RYR3: variants seen among roughly 807,000 people sequenced by gnomAD.
The protein encoded by RYR3 is brain ryanodine receptor-calcium release channel.
Under a neutral mutation model 584.3 loss-of-function variants are expected in RYR3, and 207 were observed. The ratio of observed to expected loss-of-function variants is 0.35; its 90% CI spans 0.32 to 0.40. RYR3 has a LOEUF of 0.40. Among genes scored for constraint, RYR3 ranks in the 10% least tolerant of loss-of-function variants. RYR3 has a pLI of 1.00. For missense variants in RYR3, 5,616 were observed against 6,089.2 expected (o/e 0.92, Z 2.59); for synonymous variants, 2,416 against 2,248.5 (o/e 1.07, Z -2.11).
At chr15:33,708,614 A>C (rs549946873) in intron 43 of RYR3, among the ~76,000 whole-genome samples, 16 of 152,318 alleles carry the variant, frequency 1.1e-4, no homozygotes, top group South Asian at 2.1e-4. Context: ...CTGGCCCATC[A>C]ATAGAAATAT....
At chr15:33,604,903 A>G (rs2059835714) in intron 18 of RYR3, among the ~76,000 whole-genome samples, 1 of 152,202 alleles carries the variant, frequency 6.6e-6, no homozygotes, top group African/African-American at 2.4e-5. Flanking sequence ...GTGTGGTAGG[A>G]TTAAGTCTGT....
At chr15:33,490,875 G>A (rs1231966107) in intron 2 of RYR3, among the ~76,000 whole-genome samples, 4 of 151,972 alleles carry the variant, frequency 2.6e-5, no homozygotes, top group Admixed American at 2.0e-4. Flanking sequence ...AATTTCCTTG[G>A]CAAATTGTGT....
At chr15:33,572,522 G>A (rs575694134) in intron 12 of RYR3, among the ~76,000 whole-genome samples, 1 of 151,740 alleles carries the variant, frequency 6.6e-6, no homozygotes, top group South Asian at 2.1e-4. Context: ...CTTGCCCACT[G>A]CCTACTCTGC....
chr15:33,348,645 T>G (rs1972786681), intron 1 of RYR3, among the ~76,000 whole-genome samples: 1 of 152,112 alleles, frequency 6.6e-6, no homozygotes, highest in South Asian at 2.1e-4. Flanking sequence ...CCGGGCTAAT[T>G]TTGTATTTTT....
chr15:33,411,994 G>T (rs1567186253), intron 1 of RYR3, among the ~76,000 whole-genome samples: 1 of 152,146 alleles, frequency 6.6e-6, no homozygotes, highest in Non-Finnish European at 1.5e-5. Context: ...TGTCACAGTT[G>T]TCTGTCAAGA....
chr15:33,655,375 T>C (rs1392277543), intron 32 of RYR3, among the ~76,000 whole-genome samples: 1 of 152,218 alleles, frequency 6.6e-6, no homozygotes, highest in Non-Finnish European at 1.5e-5. Flanking sequence ...CAGAGGACGC[T>C]AAAGCATCTC....
At chr15:33,619,710 G>A (rs2060620472) in intron 19 of RYR3, among the ~76,000 whole-genome samples, 1 of 152,100 alleles carries the variant, frequency 6.6e-6, no homozygotes, top group South Asian at 2.1e-4. Context: ...CCCAGCTTGG[G>A]CCTGCAGTAT....
At chr15:33,315,494 A>C (rs1335648534) in intron 1 of RYR3, among the ~76,000 whole-genome samples, 1 of 152,156 alleles carries the variant, frequency 6.6e-6, no homozygotes, top group Non-Finnish European at 1.5e-5. Flanking sequence ...GCTGAACTGT[A>C]AGCTCTCCTG....
At chr15:33,614,718 T>G (rs1223409424) in intron 19 of RYR3, among the ~76,000 whole-genome samples, 1 of 152,088 alleles carries the variant, frequency 6.6e-6, no homozygotes, top group African/African-American at 2.4e-5. Context: ...AATTTTATAT[T>G]AAGGATGTTA....
intron 2 of RYR3, among the ~76,000 whole-genome samples, chr15:33,496,509 C>T (rs777491504): frequency 1.3e-5 from 2 of 152,042 alleles, no homozygotes; most frequent in Non-Finnish European, 2.9e-5. Flanking sequence ...CTCATATATG[C>T]GCTCTTTTTC....
At chr15:33,384,862 A>G (rs1480318863) in intron 1 of RYR3, among the ~76,000 whole-genome samples, 6 of 152,094 alleles carry the variant, frequency 3.9e-5, no homozygotes. Context: ...AATTGACTGC[A>G]TTTGTTTTGA....
intron 38 of RYR3, among the ~76,000 whole-genome samples, chr15:33,681,631 C>T (rs1386249086): frequency 1.3e-5 from 2 of 152,216 alleles, no homozygotes; most frequent in Non-Finnish European, 2.9e-5. Context: ...AGAGCATTTA[C>T]AGCATGCCAC....
intron 10 of RYR3, among the ~76,000 whole-genome samples, chr15:33,558,603 T>C (rs1435079260): frequency 6.6e-6 from 1 of 152,158 alleles, no homozygotes; most frequent in East Asian, 1.9e-4. Flanking sequence ...ATTCCTTTGG[T>C]ATTGTGGAAG....
At chr15:33,734,413 G>A (rs1033027781) in intron 48 of RYR3, among the ~76,000 whole-genome samples, 3 of 152,104 alleles carry the variant, frequency 2.0e-5, no homozygotes, top group South Asian at 4.1e-4. Flanking sequence ...TTTTCTTAAC[G>A]GTAGAAAATG....
intron 91 of RYR3, 75 bp downstream of exon 91, chr15:33,842,110 T>G: frequency 6.7e-7 from 1 of 1,484,284 alleles, no homozygotes; most frequent in Non-Finnish European, 9.1e-7. Flanking sequence ...TGCCGCTGAT[T>G]TGTTTCACTG....
chr15:33,467,440 C>T, intron 1 of RYR3: 2 of 979,800 alleles, frequency 2.0e-6, no homozygotes, highest in Non-Finnish European at 2.4e-6. Context: ...CAGCTCAGAG[C>T]CAGCAGAGAT....
chr15:33,507,717 A>T (rs1057364890), intron 3 of RYR3, among the ~76,000 whole-genome samples: 1 of 152,148 alleles, frequency 6.6e-6, no homozygotes, highest in Non-Finnish European at 1.5e-5. Flanking sequence ...TGATGAAAAA[A>T]ATGCTCAGTC....
At chr15:33,452,095 G>A (rs2047179027) in intron 1 of RYR3, among the ~76,000 whole-genome samples, 1 of 152,210 alleles carries the variant, frequency 6.6e-6, no homozygotes, top group African/African-American at 2.4e-5. Flanking sequence ...CAGGCCATGT[G>A]TGTTTGCCTC....
rs563766019 is a variant in RYR3, at chr15:33,654,685, A to G, written c.4308+1802A>G. Reference sequence around the variant, plus strand: ...AATTTGTTTGGAAAGCTAGGGAGATATAGATAGGAAATGGGGAGCCATTGA... The same window carrying G: ...AATTTGTTTGGAAAGCTAGGGAGATGTAGATAGGAAATGGGGAGCCATTGA... On this transcript the variant is annotated intron_variant, in intron 32 of 103. Transcript: ENST00000634891. Among the ~76,000 whole-genome samples the G allele has an allele frequency of 2.0e-5, 3 of 152,276 alleles. No individual in the cohort carries two copies. The East Asian group carries it at 5.8e-4, about 29-fold the overall frequency.
Sources: allele counts gnomAD v4.1 joint callset (sites outside exome capture counted in the v4.1 genomes callset), GRCh38; gene constraint gnomAD v4.1.1; transcripts MANE v1.5; gene names NCBI Gene and HGNC (gene_info 2026-07-23, HGNC 2026-07-21).